Variants in P3H2 observed in about 807,000 individuals in gnomAD.
P3H2 encodes prolyl 3-hydroxylase 2, also known as leprecan-like 1.
Under a neutral mutation model 87.0 loss-of-function variants are expected in P3H2, and 80 were observed. That is an observed-to-expected ratio of 0.92 (90% CI 0.77 to 1.11). P3H2 has a LOEUF of 1.11. Among genes scored for constraint, P3H2 ranks in the 50% least tolerant of loss-of-function variants. P3H2 has a pLI of 0.00. For missense variants in P3H2, 1,001 were observed against 923.9 expected, an observed-to-expected ratio of 1.08 and a Z score of -1.08; for synonymous variants, 367 against 359.3, an observed-to-expected ratio of 1.02 and a Z score of -0.24.
At chr3:190,106,994 C>A (rs1372993840) in intron 1 of P3H2, among the ~76,000 whole-genome samples, 3 of 152,164 alleles carry the variant, frequency 2.0e-5, no homozygotes, top group African/African-American at 7.2e-5. Context: ...ACATAACTGT[C>A]TTCAAAACTA....
rs1398415603 is a variant in P3H2 at position 189,993,953 on chromosome 3, C to T, written c.823+141G>A. 5 of 642,592 alleles carry T rather than the reference C, an allele frequency of 7.8e-6. No individual in the cohort carries two copies. In the East Asian group the frequency reaches 1.1e-4, roughly 14 times the overall value. The allele number at this position is 642,592 out of a possible 1,614,324, so 39.8% of individuals were successfully genotyped here. On this transcript the variant is annotated intron_variant, in intron 3 of 14. Transcript: ENST00000319332. ...AATTTTAACTACATACATTTCTCTA[C>T]AGGAGATAGGCTGGGATAGACACAT... is the stretch of plus-strand genomic sequence containing the variant.
intron 1 of P3H2, among the ~76,000 whole-genome samples, chr3:190,012,756 T>C (rs184224596): frequency 1.3e-3 from 198 of 152,346 alleles, no homozygotes; most frequent in Middle Eastern, 3.4e-3. Flanking sequence ...GGTAGTATTA[T>C]AATCATCCAC....
At chr3:189,962,228 G>A (rs1722841204) in intron 14 of P3H2, among the ~76,000 whole-genome samples, 2 of 144,040 alleles carry the variant, frequency 1.4e-5, no homozygotes, top group African/African-American at 5.1e-5. Flanking sequence ...CAGTGTGGTG[G>A]AGTGATCTCA....
intron 14 of P3H2, 28 bp from the exon 15 acceptor site, chr3:189,958,032 T>C: frequency 6.6e-7 from 1 of 1,525,674 alleles, no homozygotes; most frequent in Non-Finnish European, 9.1e-7. Flanking sequence ...TACACATTTC[T>C]GTTACAAGCA....
chr3:189,994,665 T>G (rs200180693), intron 2 of P3H2, among the ~76,000 whole-genome samples: 2 of 10,058 alleles, frequency 2.0e-4, no homozygotes, highest in East Asian at 0.083. Flanking sequence ...GTGTTTTTTG[T>G]TTTTTTTTTT....
At chr3:189,972,849 G>C (rs775957683) in intron 11 of P3H2, 25 bp downstream of exon 11, 3 of 1,613,408 alleles carry the variant, frequency 1.9e-6, no homozygotes, top group Non-Finnish European at 2.5e-6. Context: ...GGGTAAAAGG[G>C]AACCATTTCA....
Position 189,957,945 on chromosome 3 carries a change from A to T in P3H2, c.2094T>A (p.His698Gln), listed in dbSNP as rs1391557927. 6.2e-7 allele frequency: 1 copy of T among 1,613,094 alleles called. No individual in the cohort carries two copies. Among genetic ancestry groups the T allele is most frequent in the African/African-American group, 1.3e-5 (1 of 74,878 alleles). Residue 698 changes from histidine (H) to glutamine (Q), a missense_variant, in exon 15 of 15, where the codon CAT becomes CAA. By Grantham distance (24) the His-to-Gln change is conservative. Transcript: ENST00000319332. ...CATCTTTAGGGTTGATATTCAGTTCATGCTTCCCTTGCTGTTCTTGATCCA... is the reference window on the plus strand; with the variant it reads ...CATCTTTAGGGTTGATATTCAGTTCTTGCTTCCCTTGCTGTTCTTGATCCA... Reference protein sequence around the residue: ...AILDQEQQGKHELNINPKDEL With the variant: ...AILDQEQQGKQELNINPKDEL
In P3H2 at chr3:190,038,203, T is replaced by C. The variant is rs139158616; in HGVS notation, c.481-42761A>G. 3.4e-3 allele frequency among the ~76,000 whole-genome samples: 481 copies of C among 142,660 alleles called. 5 individuals are homozygous for C. Among genetic ancestry groups the C allele is most frequent in the African/African-American group, 0.012 (458 of 37,880 alleles). The allele number at this position is 142,660 out of a possible 152,430, so 93.6% of individuals were successfully genotyped here. ...GCGAGCCGAGATTGCGCCACTGCAC[T>C]CCAGCCTGGGGCACAGAGCAAGACT... On this transcript the variant is annotated intron_variant, in intron 1 of 14. Transcript: ENST00000319332.
At chr3:189,987,382 G>C in intron 5 of P3H2, 145 bp downstream of exon 5, 1 of 834,908 alleles carries the variant, frequency 1.2e-6, no homozygotes, top group East Asian at 2.9e-5. Context: ...GGGAGGCTGA[G>C]GCAGGAGAAT....
rs181044205 is a variant in P3H2, at chr3:190,033,909, G to A, written c.481-38467C>T. Among the ~76,000 whole-genome samples the A allele has an allele frequency of 3.6e-3, 545 of 152,078 alleles. 3 individuals carry two copies. Among genetic ancestry groups the A allele is most frequent in the African/African-American group, 0.012 (517 of 41,492 alleles). On this transcript the variant is annotated intron_variant, in intron 1 of 14. Transcript: ENST00000319332. The stretch of plus-strand genomic sequence containing the variant: ...TTTTCAACAATTTTGTTATTTTACC[G>A]CCAAATATTTAATAAACAGAAATTT...
At chr3:190,058,409 C>T (rs1488176559) in intron 1 of P3H2, among the ~76,000 whole-genome samples, 4 of 151,986 alleles carry the variant, frequency 2.6e-5, no homozygotes, top group Non-Finnish European at 4.4e-5. Flanking sequence ...TAAAACAAGG[C>T]GAAAACTACG....
chr3:190,052,629 G>A (rs1277553734), intron 1 of P3H2, among the ~76,000 whole-genome samples: 1 of 151,686 alleles, frequency 6.6e-6, no homozygotes, highest in East Asian at 1.9e-4. Flanking sequence ...CCGTGTCTAA[G>A]AACATATTGC....
At chr3:190,042,525 G>A (rs976999507) in intron 1 of P3H2, among the ~76,000 whole-genome samples, 1 of 152,046 alleles carries the variant, frequency 6.6e-6, no homozygotes, top group African/African-American at 2.4e-5. Flanking sequence ...AGAATATACT[G>A]CAAACTCTAA....
chr3:190,090,005 T>G (rs531953915), intron 1 of P3H2, among the ~76,000 whole-genome samples: 16 of 152,126 alleles, frequency 1.1e-4, no homozygotes, highest in Non-Finnish European at 2.4e-4. Context: ...AACTTGTGGT[T>G]TGGTGTCTGT....
chr3:190,063,897 C>T (rs1395899410), intron 1 of P3H2, among the ~76,000 whole-genome samples: 1 of 151,822 alleles, frequency 6.6e-6, no homozygotes, highest in African/African-American at 2.4e-5. Flanking sequence ...CTCTTTTCAC[C>T]ATGAGTTAGA....
At chr3:189,986,727 A>G (rs1723712037) in intron 6 of P3H2, 61 bp downstream of exon 6, 1 of 1,242,986 alleles carries the variant, frequency 8.0e-7, no homozygotes, top group Non-Finnish European at 1.2e-6. Flanking sequence ...GCAGGTAATA[A>G]AAACATAAAA....
rs146971793 is a variant in P3H2 at position 190,012,801 on chromosome 3, G to C, written c.481-17359C>G. ...TGTATTCCCCCCAGTGGCTCTCTGG[G>C]GGCAGAGTTCTGAAGACACTGTTTA... On this transcript the variant is annotated intron_variant, in intron 1 of 14. Coordinates refer to ENST00000319332, the MANE Select transcript of P3H2 (RefSeq NM_018192.4). Among the ~76,000 whole-genome samples, 1,293 of 152,114 alleles carry C rather than the reference G, an allele frequency of 8.5e-3. 9 individuals are homozygous for C. The highest frequency in any genetic ancestry group is 0.014 in the Middle Eastern group (4 of 294).
rs1219688564 is a variant in P3H2, at chr3:190,019,785, A to AAAATAT, written c.481-24344_481-24343insATATTT. On this transcript the variant is annotated intron_variant, in intron 1 of 14. Transcript: ENST00000319332. ...ATGTGACATTACCTAGAAATTAAAA[A>AAAATAT]ATATATATATATATATATATATATA... 1.4e-3 allele frequency among the ~76,000 whole-genome samples: 52 copies of AAAATAT among 37,374 alleles called. 2 individuals carry two copies. The highest frequency in any genetic ancestry group is 3.4e-3 in the African/African-American group (51 of 15,068). The allele number at this position is 37,374 out of a possible 152,430, so 24.5% of individuals were successfully genotyped here.
chr3:190,009,907 T>G, intron 1 of P3H2, among the ~76,000 whole-genome samples: 1 of 152,180 alleles, frequency 6.6e-6, no homozygotes, highest in Non-Finnish European at 1.5e-5. Flanking sequence ...GAGGAAGTAC[T>G]GTGGGAAAGG....
Sources: allele counts gnomAD v4.1 joint callset (sites outside exome capture counted in the v4.1 genomes callset), GRCh38; gene constraint gnomAD v4.1.1; transcripts MANE v1.5; gene names NCBI Gene and HGNC (gene_info 2026-07-23, HGNC 2026-07-21).